The following ATXN2 variants were observed in gnomAD, a reference collection of about 807,000 sequenced individuals.
ATXN2 encodes the protein ataxin 2, also known as ataxin-2.
ATXN2 carries 37 observed loss-of-function variants against 138.6 expected under a neutral mutation model. That is an observed-to-expected ratio of 0.27 (90% CI 0.21 to 0.35). The LOEUF is 0.35. Ranked by LOEUF, ATXN2 falls within the 10% of genes least tolerant of loss-of-function variation. The pLI is 1.00. For missense variants in ATXN2, 1,216 were observed against 1,480.3 expected (o/e 0.82, Z 2.93); for synonymous variants, 549 against 543.7 (o/e 1.01, Z -0.13).
chr12:111,549,941 G>A (rs926655971), intron 5 of ATXN2, among the ~76,000 whole-genome samples: 3 of 150,206 alleles, frequency 2.0e-5, no homozygotes, highest in African/African-American at 7.4e-5. Context: ...ACATGCCTCA[G>A]TAACCAGCTA....
Position 111,461,926 on chromosome 12 carries a change from G to GA in ATXN2, c.2896+2735dup, listed in dbSNP as rs11356478. Among the ~76,000 whole-genome samples the GA allele has an allele frequency of 4.2e-3, 411 of 97,364 alleles. 2 individuals carry two copies. The highest frequency in any genetic ancestry group is 0.015 in the Middle Eastern group (3 of 206). The allele number at this position is 97,364 out of a possible 152,430, so 63.9% of individuals were successfully genotyped here. A position where few individuals can be genotyped will look rare whatever the true frequency, so the allele number is the denominator to read the frequency against. On this transcript the variant is annotated intron_variant, in intron 21 of 24. Coordinates refer to ENST00000673436, the MANE Select transcript of ATXN2 (RefSeq NM_001372574.1). ...GACAGAGTGAGACTCCATCTCAAAA[G>GA]AAAAAAAAAAAAAAAGGAACCAAGA...
intron 1 of ATXN2, among the ~76,000 whole-genome samples, chr12:111,560,744 A>C (rs554077291): frequency 1.4e-5 from 2 of 147,212 alleles, no homozygotes; most frequent in African/African-American, 4.9e-5. Context: ...TAAAATGTCC[A>C]GTTTTCAACA....
intron 1 of ATXN2, among the ~76,000 whole-genome samples, chr12:111,587,031 T>G (rs1027657682): frequency 5.7e-5 from 8 of 139,958 alleles, no homozygotes; most frequent in Admixed American, 8.0e-5. Context: ...GCCCAGAAGT[T>G]GGAGGCCAGC....
intron 5 of ATXN2, among the ~76,000 whole-genome samples, chr12:111,535,841 A>G (rs980812778): frequency 3.7e-4 from 56 of 151,600 alleles, no homozygotes; most frequent in African/African-American, 1.3e-3. Flanking sequence ...TCTACTAAAA[A>G]TACAAAAAAT....
intron 1 of ATXN2, among the ~76,000 whole-genome samples, chr12:111,566,114 T>C (rs965454083): frequency 6.6e-5 from 10 of 152,114 alleles, no homozygotes; most frequent in African/African-American, 2.2e-4. Flanking sequence ...GATCAAGGGA[T>C]AATTTTGACG....
At chr12:111,526,354 CAA>C (rs111688508) in intron 5 of ATXN2, among the ~76,000 whole-genome samples, 1 of 124,498 alleles carries the variant, frequency 8.0e-6, no homozygotes, top group South Asian at 2.5e-4. Flanking sequence ...GACCCTGTCT[CAA>C]AAAAAAAAAG....
intron 11 of ATXN2, chr12:111,511,796 T>C (rs1879540327): frequency 6.6e-6 from 1 of 152,084 alleles, no homozygotes; most frequent in Admixed American, 6.6e-5. Context: ...TTTTGTTTTC[T>C]TGGTAGTCTT....
At chr12:111,455,910 G>C (rs2135646963) in intron 23 of ATXN2, 119 bp downstream of exon 23, 1 of 973,218 alleles carries the variant, frequency 1.0e-6, no homozygotes, top group Non-Finnish European at 1.7e-6. Flanking sequence ...AGAGGGAAAG[G>C]GAGACAGGCA....
intron 1 of ATXN2, among the ~76,000 whole-genome samples, chr12:111,585,879 G>A (rs11065963): frequency 0.069 from 10,021 of 144,946 alleles, 1,252 homozygotes; most frequent in East Asian, 0.58. Flanking sequence ...TTTTTTAGTA[G>A]TTCCCATTTT....
Position 111,453,958 on chromosome 12 carries a change from C to G in ATXN2, c.3271-113G>C. 9.6e-7 allele frequency: 1 copy of G among 1,044,166 alleles called. No individual in the cohort carries two copies. The highest frequency in any genetic ancestry group is 1.4e-6 in the Non-Finnish European group (1 of 723,680). The allele number at this position is 1,044,166 out of a possible 1,614,324, so 64.7% of individuals were successfully genotyped here. A position where few individuals can be genotyped will look rare whatever the true frequency, so the allele number is the denominator to read the frequency against. Reference sequence around the variant, plus strand: ...CTCAGGAAAGGGCAACGGTGGGCCTCAGGGCCCAGTTCTGTTCTCTGGGGA... The same window carrying G: ...CTCAGGAAAGGGCAACGGTGGGCCTGAGGGCCCAGTTCTGTTCTCTGGGGA... On this transcript the variant is annotated intron_variant, in intron 23 of 24. Transcript: ENST00000673436. The surrounding 1 kb of genome is among the most constrained non-coding windows in gnomAD (Gnocchi z 5.4).
chr12:111,593,441 A>T (rs1447902422), intron 1 of ATXN2, among the ~76,000 whole-genome samples: 3 of 152,092 alleles, frequency 2.0e-5, no homozygotes, highest in African/African-American at 7.2e-5. Flanking sequence ...AAATAGCTAC[A>T]ATATGAGTTA....
At chr12:111,470,797 T>C (rs1876361584) in intron 18 of ATXN2, 55 bp from the exon 19 acceptor site, 1 of 1,566,880 alleles carries the variant, frequency 6.4e-7, no homozygotes, top group Non-Finnish European at 8.7e-7. Flanking sequence ...GCATAATACA[T>C]GTGTTCACAT....
chr12:111,465,587 CG>C (rs1875935140), intron 20 of ATXN2, among the ~76,000 whole-genome samples: 1 of 151,032 alleles, frequency 6.6e-6, no homozygotes, highest in Non-Finnish European at 1.5e-5. Context: ...CTGGCCAAGA[CG>C]GTGAAACCCC....
chr12:111,581,135 C>CAAAAA (rs1016431358), intron 1 of ATXN2, among the ~76,000 whole-genome samples: 4 of 57,844 alleles, frequency 6.9e-5, no homozygotes, highest in Admixed American at 4.0e-4. Context: ...GACTCCATCT[C>CAAAAA]AAAAAAAAAA....
chr12:111,529,261 C>T (rs1880673752), intron 5 of ATXN2, among the ~76,000 whole-genome samples: 1 of 152,178 alleles, frequency 6.6e-6, no homozygotes, highest in Non-Finnish European at 1.5e-5. Context: ...TTTACCAATG[C>T]CATAAGTCAA....
intron 1 of ATXN2, among the ~76,000 whole-genome samples, chr12:111,570,713 C>T (rs1045487449): frequency 6.6e-6 from 1 of 152,168 alleles, no homozygotes; most frequent in African/African-American, 2.4e-5. Context: ...CACTGCCCAC[C>T]CATGGCAGTC....
At chr12:111,551,295 CAAA>C (rs57267901) in intron 5 of ATXN2, among the ~76,000 whole-genome samples, 2 of 82,180 alleles carry the variant, frequency 2.4e-5, no homozygotes, top group Non-Finnish European at 5.7e-5. Context: ...GACTCCGTCT[CAAA>C]AAAAAAAAAA....
At chr12:111,590,620 G>A (rs547849221) in intron 1 of ATXN2, among the ~76,000 whole-genome samples, 1 of 151,918 alleles carries the variant, frequency 6.6e-6, no homozygotes, top group South Asian at 2.1e-4. Context: ...GGGAGGCAGA[G>A]GTTGCAGTGA....
chr12:111,525,849 T>C (rs1476131200), intron 5 of ATXN2, among the ~76,000 whole-genome samples: 1 of 152,000 alleles, frequency 6.6e-6, no homozygotes, highest in Non-Finnish European at 1.5e-5. Flanking sequence ...CACGCCCGGA[T>C]AATTTTTTGT....
Sources: gnomAD v4.1 joint callset for allele counts (sites outside exome capture counted in the v4.1 genomes callset) on GRCh38, gnomAD v4.1.1 for gene constraint, Gnocchi (gnomAD v3.1) non-coding constraint, MANE v1.5 for transcripts, NCBI Gene and HGNC (gene_info 2026-07-23, HGNC 2026-07-21) for gene names.